FAT1: variants seen among roughly 807,000 people sequenced by gnomAD.
FAT1 encodes FAT atypical cadherin 1, also known as protocadherin Fat 1.
A neutral mutation model predicts 329.8 loss-of-function variants in FAT1; 171 were observed. The observed-to-expected ratio is 0.52, with a 90% CI of 0.46 to 0.59. The LOEUF (loss-of-function observed/expected upper bound fraction) is 0.59, where lower values mean the gene tolerates loss of function less well. FAT1 is among the 20% of genes least tolerant of loss of function. The pLI, the probability that FAT1 is intolerant of heterozygous loss-of-function variation, is 0.00. For synonymous variants in FAT1, 2,233 were observed against 2,228.6 expected (o/e 1.00, Z -0.06); for missense variants, 5,672 against 5,774.4 (o/e 0.98, Z 0.57).
intron 21 of FAT1, 44 bp downstream of exon 21, chr4:186,601,225 T>C (rs1738799281): frequency 6.7e-7 from 1 of 1,494,076 alleles, no homozygotes; most frequent in African/African-American, 1.4e-5. Context: ...AAATTTATGG[T>C]TTGAAAGTCT....
Position 186,588,585 on chromosome 4 carries a change from T to C in FAT1, c.*7A>G, listed in dbSNP as rs1381175578. On this transcript the variant is annotated 3_prime_UTR_variant, in exon 27 of 27. Transcript: ENST00000441802. ...CTAAAGTCAGGCACTTTGGGGGGAG[T>C]TGAGAGTCAGACTTCCGTGTGCTGC... is the stretch of plus-strand genomic sequence containing the variant. The C allele has an allele frequency of 4.4e-6, 7 of 1,602,648 alleles. No homozygotes were observed. The highest frequency in any genetic ancestry group is 2.7e-5 in the African/African-American group (2 of 74,580).
Position 186,636,730 on chromosome 4 carries a change from G to C in FAT1, c.3827C>G (p.Ala1276Gly), listed in dbSNP as rs1207137983. Reference protein sequence around the residue: ...ARREPLYHVIATDKDEGPNAE... With the variant: ...ARREPLYHVIGTDKDEGPNAE... ...ATTGGGGCCCTCATCCTTGTCGGTG[G>C]CTATGACGTGATAGAGCGGCTCCCG... Residue 1276 changes from alanine to glycine, a missense_variant, in exon 5 of 27, where the codon GCC becomes GGC. By Grantham distance (60) the Ala-to-Gly change is moderately conservative (BLOSUM62 0). Coordinates refer to ENST00000441802, the MANE Select transcript of FAT1 (RefSeq NM_005245.4). The C allele has an allele frequency of 6.2e-7, 1 of 1,613,758 alleles. No homozygotes were observed.
intron 2 of FAT1, among the ~76,000 whole-genome samples, chr4:186,693,167 T>C (rs1306154314): frequency 6.6e-6 from 1 of 152,250 alleles, no homozygotes; most frequent in Non-Finnish European, 1.5e-5. Context: ...AGTATCGTTA[T>C]GTAAGACAGA....
chr4:186,612,753 T>C (rs1262647693), intron 13 of FAT1, among the ~76,000 whole-genome samples: 1 of 152,206 alleles, frequency 6.6e-6, no homozygotes, highest in Non-Finnish European at 1.5e-5. Flanking sequence ...AAACCTATCA[T>C]AAAGCATTTG....
At chr4:186,639,908 C>G (rs1289084837) in intron 3 of FAT1, 125 bp from the exon 4 acceptor site, 2 of 729,724 alleles carry the variant, frequency 2.7e-6, no homozygotes, top group Non-Finnish European at 4.6e-6. Flanking sequence ...TTGGGAGGCC[C>G]AGGGGGGTGG....
rs757311451 is a variant in FAT1, at chr4:186,601,294, C to A, written c.11615G>T (p.Arg3872Leu). ...YSTHAVVMYA[R>L]GTDYSILEIH... ...CTCCAAGATGCTATAGTCAGTTCCTCGAGCATACATGACAACCGCATGCGT... is the reference window on the plus strand; with the variant it reads ...CTCCAAGATGCTATAGTCAGTTCCTAGAGCATACATGACAACCGCATGCGT... Residue 3872 changes from arginine (R) to leucine (L), a missense_variant, in exon 21 of 27, where the codon CGA (arginine) becomes CTA (leucine). This residue lies in a region of FAT1 where 1,706 missense variants were observed against 1,859.1 expected (regional missense o/e 0.92). Coordinates refer to ENST00000441802, the MANE Select transcript of FAT1 (RefSeq NM_005245.4). 1 of 1,606,830 alleles carries A rather than the reference C, an allele frequency of 6.2e-7. No individual in the cohort carries two copies. The highest frequency in any genetic ancestry group is 8.5e-7 in the Non-Finnish European group (1 of 1,174,214).
chr4:186,592,606 T>G (rs1218103900), intron 26 of FAT1: 1 of 441,746 alleles, frequency 2.3e-6, no homozygotes, highest in Non-Finnish European at 4.6e-6. Context: ...AACTGTTTTT[T>G]CCTACCATTG....
rs375994752 is a variant in FAT1 at position 186,597,119 on chromosome 4, G to C, written c.12421C>G (p.Leu4141Val). The C allele has an allele frequency of 1.1e-4, 177 of 1,613,896 alleles. No homozygotes were observed. In the African/African-American group the frequency reaches 2.2e-3, roughly 20 times the overall value. ...TAGGAGCCGTGCGTGTTCTCACAGAGGGCCCCGTGCAGGCAAGGGTTTCCA... is the reference window on the plus strand; with the variant it reads ...TAGGAGCCGTGCGTGTTCTCACAGACGGCCCCGTGCAGGCAAGGGTTTCCA... ...CSGNPCLHGA[L>V]CENTHGSYHC... is the part of the protein sequence containing the mutation. The change falls in exon 25 of 27, where the codon CTC becomes GTC. Residue 4141 changes from leucine (L) to valine (V), a missense_variant. Physicochemically the swap from Leu to Val is conservative, Grantham distance 32. Around this residue, in one of 2 missense-constraint regions of FAT1, gnomAD observed 1,706 missense variants for 1,859.1 expected, o/e 0.92. Transcript: ENST00000441802.
At position 186,603,251 on chromosome 4, in the gene FAT1, T is replaced by C. The variant is rs1738908619; in HGVS notation, c.11275A>G (p.Met3759Val). 2.5e-6 allele frequency: 4 copies of C among 1,613,844 alleles called. No homozygotes were observed. In the East Asian group the frequency reaches 8.9e-5, roughly 36 times the overall value. Residue 3759 changes from methionine (M) to valine (V), a missense_variant, in exon 19 of 27, where the codon ATG becomes GTG. By Grantham distance (21) the Met-to-Val change is conservative (BLOSUM62 1). This residue lies in a region of FAT1 where 1,706 missense variants were observed against 1,859.1 expected (regional missense o/e 0.92). Coordinates refer to ENST00000441802, the MANE Select transcript of FAT1 (RefSeq NM_005245.4). ...DEKVSVDESV[M>V]STHSTARLSF... ...AGTCTGGCTGTGCTGTGTGTTGACA[T>C]CACACTTTCATCCACAGACACCTTT...
chr4:186,645,964 T>TACACAC (rs1253098451), intron 3 of FAT1, among the ~76,000 whole-genome samples: 1 of 22,706 alleles, frequency 4.4e-5, no homozygotes, highest in Non-Finnish European at 1.0e-4. Flanking sequence ...AAAAAAAAAA[T>TACACAC]ATATACACAC....
intron 6 of FAT1, among the ~76,000 whole-genome samples, chr4:186,634,193 A>C (rs911438606): frequency 2.6e-5 from 4 of 152,190 alleles, no homozygotes; most frequent in African/African-American, 9.7e-5. Flanking sequence ...TTACTAACAA[A>C]ACTTTCTGAT....
rs2126699005 is a variant in FAT1, at chr4:186,708,780, C to T, written c.1048G>A (p.Val350Ile). Residue 350 changes from valine (V) to isoleucine (I), a missense_variant, in exon 2 of 27, where the codon GTT (valine) becomes ATT (isoleucine). Val to Ile is a conservative substitution (Grantham distance 29). Transcript: ENST00000441802. ...DKGTPPQFSS[V>I]KVIHVTSPQF... ...GGAGAAGTCACGTGAATGACTTTAA[C>T]AGAAGAGAACTGGGGCGGAGTTCCT... 1 of 1,613,970 alleles carries T rather than the reference C, an allele frequency of 6.2e-7. No homozygotes were observed. Among genetic ancestry groups the T allele is most frequent in the Non-Finnish European group, 8.5e-7 (1 of 1,179,880 alleles).
chr4:186,709,316 A>C lies in FAT1; in HGVS notation c.512T>G (p.Val171Gly), dbSNP rs2126703240. The change falls in exon 2 of 27, where the codon GTC becomes GGC. Residue 171 changes from valine to glycine, a missense_variant. Coordinates refer to ENST00000441802, the MANE Select transcript of FAT1 (RefSeq NM_005245.4). Reference protein sequence around the residue: ...NTAIRTSIARVSATDADIGTN... With the variant: ...NTAIRTSIARGSATDADIGTN... Reference sequence around the variant, plus strand: ...TCCTATGTCTGCATCCGTGGCGCTGACTCTTGCGATACTGGTCCTTATAGC... The same window carrying C: ...TCCTATGTCTGCATCCGTGGCGCTGCCTCTTGCGATACTGGTCCTTATAGC... 6.2e-7 allele frequency: 1 copy of C among 1,613,454 alleles called. No homozygotes were observed.
At chr4:186,593,813 A>T (rs1214573836) in intron 26 of FAT1, among the ~76,000 whole-genome samples, 1 of 152,170 alleles carries the variant, frequency 6.6e-6, no homozygotes, top group East Asian at 1.9e-4. Flanking sequence ...TGGGCTTCTA[A>T]GCTACAGAAT....
At position 186,619,258 on chromosome 4, in the gene FAT1, G is replaced by A. The variant is rs2126503716; in HGVS notation, c.7328C>T (p.Ala2443Val). 6.2e-7 allele frequency: 1 copy of A among 1,613,970 alleles called. No individual in the cohort carries two copies. The highest frequency in any genetic ancestry group is 8.5e-7 in the Non-Finnish European group (1 of 1,179,888). Residue 2443 changes from alanine to valine, a missense_variant, in exon 10 of 27, where the codon GCA becomes GTA. Physicochemically the swap from Ala to Val is moderately conservative, Grantham distance 64. This residue lies in a region of FAT1 where 3,966 missense variants were observed against 3,915.2 expected (regional missense o/e 1.01). Transcript: ENST00000441802. ...GTTTGAGAGGGTGATAATCCCTGTT[G>A]CACTGTCAATGACAAAATGTTTATG... ...NDHKHFVIDS[A>V]TGIITLSNLH...
chr4:186,703,693 C>T (rs993721445), intron 2 of FAT1, among the ~76,000 whole-genome samples: 4 of 152,218 alleles, frequency 2.6e-5, no homozygotes, highest in East Asian at 1.9e-4. Flanking sequence ...GGGCAAGGAG[C>T]GAAGTTCCAG....
At chr4:186,713,930 G>C (rs904697301) in intron 1 of FAT1, among the ~76,000 whole-genome samples, 3 of 152,170 alleles carry the variant, frequency 2.0e-5, no homozygotes, top group African/African-American at 7.2e-5. Context: ...CAAGCGATCT[G>C]CCCAACTCGG....
At chr4:186,605,325 GT>G in intron 17 of FAT1, among the ~76,000 whole-genome samples, 1 of 143,160 alleles carries the variant, frequency 7.0e-6, no homozygotes, top group South Asian at 2.3e-4. Context: ...AGGAGGAGGG[GT>G]AGTGAGGAGG....
At chr4:186,632,237 G>A (rs1356780149) in intron 7 of FAT1, among the ~76,000 whole-genome samples, 2 of 152,114 alleles carry the variant, frequency 1.3e-5, no homozygotes, top group South Asian at 4.1e-4. Context: ...TAATTATTGG[G>A]AAAGAGGTGC....
Sources: gnomAD v4.1 joint callset for allele counts (sites outside exome capture counted in the v4.1 genomes callset) on GRCh38, gnomAD v4.1.1 for gene constraint, gnomAD v4.1.1 regional missense constraint, MANE v1.5 for transcripts, NCBI Gene and HGNC (gene_info 2026-07-23, HGNC 2026-07-21) for gene names.